Variants in STK35 observed in about 807,000 individuals in gnomAD.
STK35 encodes the protein serine/threonine-protein kinase 35.
In STK35, 17 loss-of-function variants were observed where a neutral mutation model predicts 37.3. The ratio of observed to expected loss-of-function variants is 0.46; its 90% CI spans 0.31 to 0.68. The LOEUF is 0.68. Among genes scored for constraint, STK35 ranks in the 30% least tolerant of loss-of-function variants. The pLI is 0.05. For synonymous variants in STK35, 385 were observed against 319.1 expected, an observed-to-expected ratio of 1.21 and a Z score of -2.20; for missense variants, 595 against 746.7, an observed-to-expected ratio of 0.80 and a Z score of 2.37.
At chr20:2,108,202 A>G (rs1985552293) in intron 2 of STK35, among the ~76,000 whole-genome samples, 1 of 152,152 alleles carries the variant, frequency 6.6e-6, no homozygotes, top group South Asian at 2.1e-4. Flanking sequence ...GCATAATCAT[A>G]TTTTACTCAG....
At chr20:2,124,428 A>T (rs1341578679) in intron 3 of STK35, among the ~76,000 whole-genome samples, 3 of 152,142 alleles carry the variant, frequency 2.0e-5, no homozygotes, top group African/African-American at 7.2e-5. Context: ...TGGAGCCTTG[A>T]ATTTCCCAAA....
chr20:2,131,061 C>T (rs1160236130), intron 3 of STK35, among the ~76,000 whole-genome samples: 5 of 152,156 alleles, frequency 3.3e-5, no homozygotes, highest in Non-Finnish European at 7.3e-5. Flanking sequence ...CACTTAATGA[C>T]GGGGATATAT....
chr20:2,137,854 A>G (rs902661424), intron 3 of STK35, among the ~76,000 whole-genome samples: 1 of 152,210 alleles, frequency 6.6e-6, no homozygotes, highest in Admixed American at 6.5e-5. Flanking sequence ...GCTTTGGTGT[A>G]TTAAACAAGT....
At chr20:2,131,720 G>A (rs888122244) in intron 3 of STK35, among the ~76,000 whole-genome samples, 7 of 151,890 alleles carry the variant, frequency 4.6e-5, no homozygotes, top group Non-Finnish European at 7.4e-5. Context: ...AACATTTAGC[G>A]TAAAACACAA....
intron 2 of STK35, among the ~76,000 whole-genome samples, chr20:2,114,540 ACTT>A (rs1985679042): frequency 6.6e-6 from 1 of 152,164 alleles, no homozygotes; most frequent in African/African-American, 2.4e-5. Flanking sequence ...TTCTGAGAAT[ACTT>A]CTTCCTGTCC....
rs1011337911 is a variant in STK35, at chr20:2,142,872, C to T, written c.*38-912C>T. ...CACTGATCCGATAGCTCAGAGTGGG[C>T]GCTGCCCAAGACTAATCTCTGTGGG... On this transcript the variant is annotated intron_variant, in intron 3 of 3. Coordinates refer to ENST00000381482, the MANE Select transcript of STK35 (RefSeq NM_080836.4). 2.6e-5 allele frequency among the ~76,000 whole-genome samples: 4 copies of T among 152,200 alleles called. No homozygotes were observed. In the East Asian group the frequency reaches 5.8e-4, roughly 22 times the overall value.
At chr20:2,142,863 C>T (rs1254445836) in intron 3 of STK35, among the ~76,000 whole-genome samples, 1 of 152,214 alleles carries the variant, frequency 6.6e-6, no homozygotes, top group African/African-American at 2.4e-5. Flanking sequence ...TCCGATAGCT[C>T]AGAGTGGGCG....
At chr20:2,107,594 G>A (rs1286306291) in intron 2 of STK35, among the ~76,000 whole-genome samples, 1 of 152,206 alleles carries the variant, frequency 6.6e-6, no homozygotes, top group African/African-American at 2.4e-5. Flanking sequence ...TTGTCTGGGA[G>A]TTTAGTTAGG....
chr20:2,112,983 C>G (rs538953040), intron 2 of STK35, among the ~76,000 whole-genome samples: 1 of 152,160 alleles, frequency 6.6e-6, no homozygotes, highest in Non-Finnish European at 1.5e-5. Flanking sequence ...GGGAAATACC[C>G]GCAGTTGTGG....
chr20:2,125,770 C>A (rs1246711472), intron 3 of STK35, among the ~76,000 whole-genome samples: 3 of 152,190 alleles, frequency 2.0e-5, no homozygotes, highest in Non-Finnish European at 4.4e-5. Flanking sequence ...TGTGAGGTGC[C>A]CATATAACCG....
At chr20:2,141,532 A>G (rs1031047517) in intron 3 of STK35, among the ~76,000 whole-genome samples, 5 of 152,180 alleles carry the variant, frequency 3.3e-5, no homozygotes, top group Non-Finnish European at 7.3e-5. Flanking sequence ...GGACCTTTCT[A>G]TTGGAGCTGC....
At chr20:2,109,922 C>T (rs990416726) in intron 2 of STK35, among the ~76,000 whole-genome samples, 6 of 152,358 alleles carry the variant, frequency 3.9e-5, no homozygotes, top group Middle Eastern at 3.4e-3. Flanking sequence ...AGCCCCTGTC[C>T]GGCCGGTGGG....
In STK35 at chr20:2,143,311, G is replaced by A. The variant is rs80123136; in HGVS notation, c.*38-473G>A. ...GGCCTGAGCTTCACTCTTCTCTTCT[G>A]TAAAACAGGATTACTGAACCTAGAG... On this transcript the variant is annotated intron_variant, in intron 3 of 3. Coordinates refer to ENST00000381482, the MANE Select transcript of STK35 (RefSeq NM_080836.4). Among the ~76,000 whole-genome samples, 27 of 152,330 alleles carry A rather than the reference G, an allele frequency of 1.8e-4. No homozygotes were observed. In the East Asian group the frequency reaches 5.2e-3, roughly 29 times the overall value.
rs994305263 is a variant in STK35 at position 2,117,821 on chromosome 20, C to G, written c.*37+406C>G. Among the ~76,000 whole-genome samples the G allele has an allele frequency of 6.6e-6, 1 of 152,156 alleles. No individual in the cohort carries two copies. Among genetic ancestry groups the G allele is most frequent in the Non-Finnish European group, 1.5e-5 (1 of 68,028 alleles). On this transcript the variant is annotated intron_variant, in intron 3 of 3. Coordinates refer to ENST00000381482, the MANE Select transcript of STK35 (RefSeq NM_080836.4). The surrounding 1 kb of genome is among the most constrained non-coding windows in gnomAD (Gnocchi z 4.4). Reference sequence around the variant, plus strand: ...CCCTGGCATGGGCCCTGTGAACTTGCAGGGGAATACAAAGTTGAAGAAAAT... The same window carrying G: ...CCCTGGCATGGGCCCTGTGAACTTGGAGGGGAATACAAAGTTGAAGAAAAT...
chr20:2,107,100 C>T (rs1985530219), intron 2 of STK35, among the ~76,000 whole-genome samples: 1 of 152,162 alleles, frequency 6.6e-6, no homozygotes, highest in African/African-American at 2.4e-5. Context: ...TGCTTTTATC[C>T]CCTTGTTTTC....
rs1163302323 is a variant in STK35 at position 2,148,302 on chromosome 20, G to T, written c.*4556G>T. The stretch of plus-strand genomic sequence containing the variant: ...GGCACAAAGTTAGTTTCCAATACTA[G>T]TTAATAAATCTATTTTTCTTCATTT... On this transcript the variant is annotated 3_prime_UTR_variant, in exon 4 of 4. Transcript: ENST00000381482. The T allele has an allele frequency of 2.0e-5, 3 of 152,654 alleles. No individual in the cohort carries two copies. Among genetic ancestry groups the T allele is most frequent in the Non-Finnish European group, 4.4e-5 (3 of 68,042 alleles). The allele number at this position is 152,654 out of a possible 1,614,324, so 9.5% of individuals were successfully genotyped here.
At chr20:2,105,329 G>T (rs961038492) in intron 2 of STK35, among the ~76,000 whole-genome samples, 2 of 152,196 alleles carry the variant, frequency 1.3e-5, no homozygotes, top group Non-Finnish European at 1.5e-5. Context: ...GTAGGAATTT[G>T]CCTTGCCGAA....
intron 2 of STK35, among the ~76,000 whole-genome samples, chr20:2,114,049 C>G (rs1029995041): frequency 2.0e-5 from 3 of 152,118 alleles, no homozygotes; most frequent in Non-Finnish European, 4.4e-5. Flanking sequence ...GTTACTTCAC[C>G]AAGTGCCTCC....
chr20:2,122,331 C>CA (rs553671637), intron 3 of STK35, among the ~76,000 whole-genome samples: 49 of 151,644 alleles, frequency 3.2e-4, no homozygotes, highest in Non-Finnish European at 4.4e-4. Context: ...GACTCTGTCT[C>CA]AAAAAAACAA....
Sources: gnomAD v4.1 joint callset for allele counts (sites outside exome capture counted in the v4.1 genomes callset) on GRCh38, gnomAD v4.1.1 for gene constraint, Gnocchi (gnomAD v3.1) non-coding constraint, MANE v1.5 for transcripts, NCBI Gene and HGNC (gene_info 2026-07-23, HGNC 2026-07-21) for gene names.